CDH23: variants seen among roughly 807,000 people sequenced by gnomAD.
CDH23 encodes cadherin-23.
In CDH23, 189 loss-of-function variants were observed where a neutral mutation model predicts 317.1. The ratio of observed to expected loss-of-function variants is 0.60; its 90% CI spans 0.53 to 0.67. The LOEUF is 0.67. CDH23 is among the 30% of genes least tolerant of loss of function. The pLI is 0.00. For missense variants in CDH23, 4,401 were observed against 4,592.4 expected (o/e 0.96, Z 1.20); for synonymous variants, 1,839 against 1,876.8 (o/e 0.98, Z 0.52).
chr10:71,763,505 C>G (rs369372417), intron 38 of CDH23, among the ~76,000 whole-genome samples: 2 of 152,298 alleles, frequency 1.3e-5, no homozygotes, highest in East Asian at 1.9e-4. Flanking sequence ...GGACCCTCGG[C>G]GGCAGGCTGG....
chr10:71,792,820 TAAAAA>T lies in CDH23; in HGVS notation c.6254-333_6254-329del, dbSNP rs1158593304. ...CTAGGTGACAGTGTAAGACTCCATC[TAAAAA>T]AAAAAAAAAAAAAAAAAAAAAAAAA... On this transcript the variant is annotated intron_variant, in intron 47 of 69. Coordinates refer to ENST00000224721, the MANE Select transcript of CDH23 (RefSeq NM_022124.6). Among the ~76,000 whole-genome samples, 411 of 47,452 alleles carry T rather than the reference TAAAAA, an allele frequency of 8.7e-3. 4 individuals carry two copies. The highest frequency in any genetic ancestry group is 0.033 in the African/African-American group (383 of 11,626). The allele number at this position is 47,452 out of a possible 152,430, so 31.1% of individuals were successfully genotyped here. A position where few individuals can be genotyped will look rare whatever the true frequency, so the allele number is the denominator to read the frequency against.
chr10:71,425,624 C>T (rs750267841), intron 1 of CDH23, among the ~76,000 whole-genome samples: 1 of 152,102 alleles, frequency 6.6e-6, no homozygotes, highest in Non-Finnish European at 1.5e-5. Flanking sequence ...CAGTTGCATG[C>T]TGTTTGCCTC....
rs1238266145 is a variant in CDH23 at position 71,702,064 on chromosome 10, G to A, written c.2440G>A (p.Val814Met). ...DPDLGENGTL[V>M]YSIQPPNKFY... ...AGACCTGGGGGAGAATGGCACCCTG[G>A]TGTACAGCATCCAGCCACCCAACAA... The change falls in exon 23 of 70, where the codon GTG (valine) becomes ATG (methionine). Residue 814 changes from valine to methionine, a missense_variant. Val to Met is a conservative substitution (Grantham distance 21). Transcript: ENST00000224721. The A allele has an allele frequency of 3.7e-6, 6 of 1,613,744 alleles. No homozygotes were observed. In the East Asian group the frequency reaches 1.1e-4, roughly 30 times the overall value.
Position 71,485,350 on chromosome 10 carries a change from T to C in CDH23, c.146-24732T>C, listed in dbSNP as rs144489477. Among the ~76,000 whole-genome samples, 26 of 152,242 alleles carry C rather than the reference T, an allele frequency of 1.7e-4. No homozygotes were observed. The East Asian group carries it at 5.0e-3, about 29-fold the overall frequency. On this transcript the variant is annotated intron_variant, in intron 3 of 69. Transcript: ENST00000224721. ...GGGTGTGTGTTTTTCTTATAAAAAG[T>C]GGTCTGAAAGTTGGTGGTTGCAGAG...
chr10:71,639,115 G>A (rs995810110), intron 11 of CDH23, among the ~76,000 whole-genome samples: 6 of 152,194 alleles, frequency 3.9e-5, no homozygotes, highest in East Asian at 1.9e-4. Context: ...TGCCAGCTCC[G>A]CAGCCTGTAG....
intron 1 of CDH23, among the ~76,000 whole-genome samples, chr10:71,399,366 G>A (rs1487697421): frequency 6.6e-6 from 1 of 152,222 alleles, no homozygotes; most frequent in East Asian, 1.9e-4. Context: ...GTGGTCCACA[G>A]TGCCTTCTCT....
At chr10:71,401,681 G>T (rs1171387718) in intron 1 of CDH23, among the ~76,000 whole-genome samples, 1 of 152,102 alleles carries the variant, frequency 6.6e-6, no homozygotes, top group Non-Finnish European at 1.5e-5. Flanking sequence ...TGGGGACTGG[G>T]GAGAACTGAA....
intron 14 of CDH23, among the ~76,000 whole-genome samples, chr10:71,650,423 C>A (rs985811508): frequency 3.9e-5 from 6 of 152,038 alleles, no homozygotes; most frequent in Admixed American, 2.0e-4. Flanking sequence ...TGTATATGTG[C>A]GCAGGCATGT....
At chr10:71,584,064 A>G (rs890162803) in intron 9 of CDH23, among the ~76,000 whole-genome samples, 2 of 152,148 alleles carry the variant, frequency 1.3e-5, no homozygotes, top group African/African-American at 4.8e-5. Context: ...GGCAACACTG[A>G]TGCTGCTGGT....
chr10:71,466,354 A>G (rs1349276058), intron 3 of CDH23, among the ~76,000 whole-genome samples: 1 of 151,960 alleles, frequency 6.6e-6, no homozygotes, highest in Non-Finnish European at 1.5e-5. Flanking sequence ...GTACCAGCTC[A>G]TGTGTGTGTG....
chr10:71,424,598 T>C (rs1671240621), intron 1 of CDH23, among the ~76,000 whole-genome samples: 1 of 152,232 alleles, frequency 6.6e-6, no homozygotes, highest in Non-Finnish European at 1.5e-5. Flanking sequence ...GGTGGGGCTG[T>C]GCCCAGGCCT....
intron 9 of CDH23, among the ~76,000 whole-genome samples, chr10:71,585,037 A>G (rs536409951): frequency 4.6e-5 from 7 of 152,232 alleles, no homozygotes; most frequent in Non-Finnish European, 1.0e-4. Flanking sequence ...GAGATTCATC[A>G]GTTCTGGGTG....
Position 71,687,689 on chromosome 10 carries a change from T to G in CDH23, c.2029T>G (p.Phe677Val). 4 of 1,613,844 alleles carry G rather than the reference T, an allele frequency of 2.5e-6. No homozygotes were observed. Among genetic ancestry groups the G allele is most frequent in the Non-Finnish European group, 2.5e-6 (3 of 1,179,852 alleles). The change falls in exon 19 of 70, where the codon TTC (phenylalanine) becomes GTC (valine). Residue 677 changes from phenylalanine to valine, a missense_variant. Coordinates refer to ENST00000224721, the MANE Select transcript of CDH23 (RefSeq NM_022124.6). ...TCCCACCTTCAGCAAGCCCGCCTAC[T>G]TCGTCTCCGTGGTGGAGAACATCAT... ...NPPTFSKPAYFVSVVENIMAG... is the reference protein window; with the variant it reads ...NPPTFSKPAYVVSVVENIMAG...
chr10:71,513,061 G>A (rs775207587), intron 6 of CDH23, among the ~76,000 whole-genome samples: 2 of 152,162 alleles, frequency 1.3e-5, no homozygotes, highest in Non-Finnish European at 2.9e-5. Flanking sequence ...TGGATAAAGT[G>A]GCCTGCATGA....
intron 11 of CDH23, among the ~76,000 whole-genome samples, chr10:71,641,536 A>C (rs910363684): frequency 6.6e-6 from 1 of 152,228 alleles, no homozygotes; most frequent in African/African-American, 2.4e-5. Flanking sequence ...GCCTTTGCTT[A>C]GGACAGTGCT....
chr10:71,556,977 A>T (rs1856906078), intron 6 of CDH23, among the ~76,000 whole-genome samples: 1 of 152,104 alleles, frequency 6.6e-6, no homozygotes, highest in Non-Finnish European at 1.5e-5. Context: ...CATTCACTGA[A>T]CCCTACTCTT....
chr10:71,611,489 C>A (rs1860890709), intron 9 of CDH23, among the ~76,000 whole-genome samples: 1 of 152,178 alleles, frequency 6.6e-6, no homozygotes, highest in Non-Finnish European at 1.5e-5. Flanking sequence ...CATGGTGGTA[C>A]CATCTTGGTA....
chr10:71,648,420 T>C (rs1863002973), intron 14 of CDH23, among the ~76,000 whole-genome samples: 1 of 152,244 alleles, frequency 6.6e-6, no homozygotes, highest in Admixed American at 6.5e-5. Context: ...CCTGTGGGTC[T>C]GGGACCACGT....
At chr10:71,778,729 C>A (rs555918870) in intron 40 of CDH23, among the ~76,000 whole-genome samples, 8 of 152,168 alleles carry the variant, frequency 5.3e-5, no homozygotes, top group Non-Finnish European at 1.0e-4. Flanking sequence ...AACCACAGTG[C>A]AGCAACAAAT....
Sources: allele counts gnomAD v4.1 joint callset (sites outside exome capture counted in the v4.1 genomes callset), GRCh38; gene constraint gnomAD v4.1.1; transcripts MANE v1.5; gene names NCBI Gene and HGNC (gene_info 2026-07-23, HGNC 2026-07-21).